The following TFDP1 variants were observed in gnomAD, a reference collection of about 807,000 sequenced individuals.
TFDP1 encodes the protein transcription factor Dp-1, also known as DRTF1-polypeptide 1.
In TFDP1, 6 loss-of-function variants were observed where a neutral mutation model predicts 48.0. That is an observed-to-expected ratio of 0.13 (90% CI 0.07 to 0.25). The LOEUF (loss-of-function observed/expected upper bound fraction) is 0.25, where lower values mean the gene tolerates loss of function less well. TFDP1 is among the 10% of genes least tolerant of loss of function. The pLI is 1.00. For missense variants in TFDP1, 335 were observed against 543.0 expected, an observed-to-expected ratio of 0.62 and a Z score of 3.81; for synonymous variants, 201 against 211.6, an observed-to-expected ratio of 0.95 and a Z score of 0.44.
intron 4 of TFDP1, among the ~76,000 whole-genome samples, chr13:113,629,444 C>T (rs190513437): frequency 1.3e-5 from 2 of 152,214 alleles, no homozygotes; most frequent in African/African-American, 4.8e-5. Context: ...TGGGTTTGAC[C>T]TGTGATTTTG....
At chr13:113,591,192 A>G (rs980313561) in intron 2 of TFDP1, among the ~76,000 whole-genome samples, 1 of 150,432 alleles carries the variant, frequency 6.6e-6, no homozygotes, top group Non-Finnish European at 1.5e-5. Flanking sequence ...ACATACAGAA[A>G]TTAGCTGGGC....
rs150351085 is a variant in TFDP1, at chr13:113,622,019, G to A, written c.80-1161G>A. ...GTCTCTGATATGCAGAAATAATGGC[G>A]TAAGCTGTCTTTCTCTTTGCCTCCT... On this transcript the variant is annotated intron_variant, in intron 3 of 11. Transcript: ENST00000375370. Among the ~76,000 whole-genome samples the A allele has an allele frequency of 8.3e-3, 1,260 of 152,320 alleles. 17 individuals are homozygous for A. The highest frequency in any genetic ancestry group is 0.029 in the African/African-American group (1,185 of 41,568).
intron 5 of TFDP1, 122 bp from the exon 6 acceptor site, chr13:113,632,998 G>A (rs1353885725): frequency 4.9e-6 from 6 of 1,223,672 alleles, no homozygotes; most frequent in African/African-American, 1.5e-5. Flanking sequence ...GATCTGCTGC[G>A]CCCGTGGGAC....
intron 11 of TFDP1, among the ~76,000 whole-genome samples, chr13:113,638,899 C>A (rs2049571331): frequency 1.3e-5 from 2 of 152,022 alleles, no homozygotes; most frequent in African/African-American, 4.8e-5. Flanking sequence ...ACTCAGTAAC[C>A]TATGGGTCCG....
intron 2 of TFDP1, among the ~76,000 whole-genome samples, chr13:113,610,509 G>A (rs372221557): frequency 6.8e-6 from 1 of 148,090 alleles, no homozygotes; most frequent in African/African-American, 2.5e-5. Context: ...GTGTGCCCCC[G>A]CTGTGTGGTT....
chr13:113,604,223 T>G (rs1261388370), intron 2 of TFDP1, among the ~76,000 whole-genome samples: 1 of 151,198 alleles, frequency 6.6e-6, no homozygotes, highest in Non-Finnish European at 1.5e-5. Flanking sequence ...GTTACTGAGT[T>G]CCTGTGGGTC....
intron 4 of TFDP1, among the ~76,000 whole-genome samples, chr13:113,625,911 G>T (rs1452509058): frequency 7.2e-6 from 1 of 138,442 alleles, no homozygotes; most frequent in Non-Finnish European, 1.5e-5. Flanking sequence ...ATGTCCTCAG[G>T]TGTCTCTCAC....
intron 2 of TFDP1, among the ~76,000 whole-genome samples, chr13:113,606,258 GC>G (rs1005309930): frequency 5.3e-5 from 8 of 151,990 alleles, no homozygotes; most frequent in African/African-American, 1.7e-4. Flanking sequence ...CCGCAGGGGA[GC>G]CTGTTCTGGT....
intron 8 of TFDP1, among the ~76,000 whole-genome samples, chr13:113,634,885 ATG>A (rs1391821256): frequency 2.7e-5 from 4 of 147,278 alleles, no homozygotes; most frequent in Non-Finnish European, 6.0e-5. Context: ...GTGCGTGTGC[ATG>A]TGTGTGCGTG....
chr13:113,617,522 G>A (rs2048889677), intron 3 of TFDP1, among the ~76,000 whole-genome samples: 1 of 151,072 alleles, frequency 6.6e-6, no homozygotes, highest in Non-Finnish European at 1.5e-5. Context: ...CCCTTCACCT[G>A]CAGAACCATT....
Position 113,634,036 on chromosome 13 carries a change from G to A in TFDP1, c.618+3G>A. The A allele has an allele frequency of 6.2e-7, 1 of 1,614,186 alleles. No homozygotes were observed. Among genetic ancestry groups the A allele is most frequent in the Non-Finnish European group, 8.5e-7 (1 of 1,180,042 alleles). ...CTCAGGAATGTCAGAACTTAGAGGTGCCCCTTCAGCCTTCCTTCAACCTTG... is the reference window on the plus strand; with the variant it reads ...CTCAGGAATGTCAGAACTTAGAGGTACCCCTTCAGCCTTCCTTCAACCTTG... On this transcript the variant is annotated splice_donor_region_variant and intron_variant, in intron 7 of 11. Coordinates refer to ENST00000375370, the MANE Select transcript of TFDP1 (RefSeq NM_007111.5).
At chr13:113,614,312 C>T (rs1018087852) in intron 3 of TFDP1, among the ~76,000 whole-genome samples, 36 of 152,138 alleles carry the variant, frequency 2.4e-4, no homozygotes, top group Non-Finnish European at 8.8e-5. Context: ...CCCCAACAGA[C>T]ACCTGTCTTC....
chr13:113,585,487 G>C (rs1465325113), intron 1 of TFDP1: 4 of 198,554 alleles, frequency 2.0e-5, no homozygotes, highest in South Asian at 1.1e-4. Flanking sequence ...CTGGCTCCTG[G>C]GGCTCGGCCC....
At chr13:113,595,368 G>A (rs2048261438) in intron 2 of TFDP1, among the ~76,000 whole-genome samples, 1 of 152,200 alleles carries the variant, frequency 6.6e-6, no homozygotes. Flanking sequence ...ACGGAGTGCA[G>A]CCTCCTGGGT....
chr13:113,623,790 G>A lies in TFDP1; in HGVS notation c.186+504G>A, dbSNP rs773979214. ...GCCACGCACAGGAGAGGGGAAGGTG[G>A]GCATTGGGAAGTGGCGCATCCCCCC... On this transcript the variant is annotated intron_variant, in intron 4 of 11. Coordinates refer to ENST00000375370, the MANE Select transcript of TFDP1 (RefSeq NM_007111.5). This position sits in a 1 kb window ranked among gnomAD's most constrained non-coding sequence, Gnocchi z 5.2. 5.9e-5 allele frequency among the ~76,000 whole-genome samples: 9 copies of A among 152,110 alleles called. No homozygotes were observed. The highest frequency in any genetic ancestry group is 1.0e-4 in the Non-Finnish European group (7 of 68,016).
intron 3 of TFDP1, among the ~76,000 whole-genome samples, chr13:113,614,670 C>T (rs1410450769): frequency 6.6e-6 from 1 of 152,212 alleles, no homozygotes; most frequent in Non-Finnish European, 1.5e-5. Context: ...CCTCCCGGGG[C>T]CACTGTGTCT....
At position 113,640,876 on chromosome 13, in the gene TFDP1, C is replaced by G. The variant is rs1329231826; in HGVS notation, c.*609C>G. ...GTTGTGATTCCATCAAGTTTGTACA[C>G]TCTTTTCTCTCCCTGTTTTGCAGCA... On this transcript the variant is annotated 3_prime_UTR_variant, in exon 12 of 12. Transcript: ENST00000375370. The G allele has an allele frequency of 6.5e-6, 1 of 152,946 alleles. No individual in the cohort carries two copies. The highest frequency in any genetic ancestry group is 1.5e-5 in the Non-Finnish European group (1 of 68,320). The allele number at this position is 152,946 out of a possible 1,614,324, so 9.5% of individuals were successfully genotyped here.
At chr13:113,614,170 C>T (rs1374299834) in intron 3 of TFDP1, among the ~76,000 whole-genome samples, 2 of 151,174 alleles carry the variant, frequency 1.3e-5, no homozygotes, top group African/African-American at 2.4e-5. Flanking sequence ...GTGTTGTGTG[C>T]ATGAGTTGAA....
rs1454539213 is a variant in TFDP1, at chr13:113,641,427, G to A, written c.*1160G>A. On this transcript the variant is annotated 3_prime_UTR_variant, in exon 12 of 12. Coordinates refer to ENST00000375370, the MANE Select transcript of TFDP1 (RefSeq NM_007111.5). ...TTAATTGTTTGACTTGTTTAACTTG[G>A]CACTGTTAGTTTTTATTAATAAAAC... 6.6e-6 allele frequency: 1 copy of A among 152,176 alleles called. No homozygotes were observed. Among genetic ancestry groups the A allele is most frequent in the Non-Finnish European group, 1.5e-5 (1 of 68,026 alleles). The allele number at this position is 152,176 out of a possible 1,614,324, so 9.4% of individuals were successfully genotyped here.
Sources: allele counts gnomAD v4.1 joint callset (sites outside exome capture counted in the v4.1 genomes callset), GRCh38; gene constraint gnomAD v4.1.1; non-coding constraint Gnocchi (gnomAD v3.1); transcripts MANE v1.5; gene names NCBI Gene and HGNC (gene_info 2026-07-23, HGNC 2026-07-21).